Variants in MACROD2 observed in about 807,000 individuals in gnomAD.
MACROD2 encodes the protein mono-ADP ribosylhydrolase 2.
In MACROD2, 36 loss-of-function variants were observed where a neutral mutation model predicts 70.4. The ratio of observed to expected loss-of-function variants is 0.51; its 90% CI spans 0.39 to 0.68. The LOEUF is 0.68. Among genes scored for constraint, MACROD2 ranks in the 30% least tolerant of loss-of-function variants. MACROD2 has a pLI of 0.00. For missense variants in MACROD2, 496 were observed against 538.4 expected (o/e 0.92, Z 0.78); for synonymous variants, 172 against 178.8 (o/e 0.96, Z 0.30).
chr20:14,970,691 C>A (rs1437927427), intron 5 of MACROD2, among the ~76,000 whole-genome samples: 4 of 152,086 alleles, frequency 2.6e-5, no homozygotes, highest in Non-Finnish European at 2.9e-5. Flanking sequence ...CACTCTGTTA[C>A]CCAGGATGGA....
intron 2 of MACROD2, among the ~76,000 whole-genome samples, chr20:14,075,868 A>T (rs6074682): frequency 0.01 from 1,544 of 152,346 alleles, 12 homozygotes; most frequent in Non-Finnish European, 0.014. Flanking sequence ...TTATCCAGTC[A>T]GATGGGCTTT....
intron 5 of MACROD2, among the ~76,000 whole-genome samples, chr20:14,755,319 C>T (rs1465960887): frequency 6.6e-6 from 1 of 152,092 alleles, no homozygotes; most frequent in Non-Finnish European, 1.5e-5. Context: ...ATGTTCTCAT[C>T]ATTCCTCCTC....
intron 3 of MACROD2, among the ~76,000 whole-genome samples, chr20:14,397,085 T>A (rs1187317993): frequency 6.7e-6 from 1 of 149,416 alleles, no homozygotes. Context: ...AGCTCCGCCT[T>A]CTGGGTTCAC....
intron 5 of MACROD2, among the ~76,000 whole-genome samples, chr20:15,015,228 A>AT (rs1465541086): frequency 6.6e-6 from 1 of 151,990 alleles, no homozygotes; most frequent in Non-Finnish European, 1.5e-5. Context: ...TTTATTTAAC[A>AT]TTTGGCTTCT....
chr20:15,833,754 T>A (rs1388712647), intron 8 of MACROD2, among the ~76,000 whole-genome samples: 1 of 152,178 alleles, frequency 6.6e-6, no homozygotes, highest in East Asian at 1.9e-4. Context: ...AGATCCCCAA[T>A]ACCTAAGGTA....
intron 4 of MACROD2, among the ~76,000 whole-genome samples, chr20:14,528,668 T>TG (rs1198800309): frequency 6.6e-5 from 10 of 151,980 alleles, no homozygotes; most frequent in African/African-American, 1.2e-4. Context: ...TTGCGGGGGT[T>TG]GGGGGGGCCC....
intron 15 of MACROD2, among the ~76,000 whole-genome samples, chr20:16,008,214 C>T (rs755733150): frequency 6.6e-5 from 10 of 152,210 alleles, no homozygotes; most frequent in South Asian, 4.1e-4. Context: ...CTTCCTATAG[C>T]GCCCCCTATA....
chr20:15,435,153 T>C (rs1340921180), intron 7 of MACROD2, among the ~76,000 whole-genome samples: 2 of 152,122 alleles, frequency 1.3e-5, no homozygotes, highest in African/African-American at 4.8e-5. Context: ...AAACCACATG[T>C]ACCCCCAAAA....
At chr20:15,062,314 G>A (rs1178974513) in intron 5 of MACROD2, among the ~76,000 whole-genome samples, 1 of 152,104 alleles carries the variant, frequency 6.6e-6, no homozygotes, top group Non-Finnish European at 1.5e-5. Context: ...AATTTTAGTT[G>A]AGCAATGATT....
intron 12 of MACROD2, among the ~76,000 whole-genome samples, chr20:15,944,038 C>T (rs2065786817): frequency 6.6e-6 from 1 of 151,992 alleles, no homozygotes; most frequent in African/African-American, 2.4e-5. Flanking sequence ...ATTTTATCAT[C>T]TGGTTATCCC....
intron 3 of MACROD2, among the ~76,000 whole-genome samples, chr20:14,117,875 A>C (rs1313239945): frequency 6.6e-6 from 1 of 152,190 alleles, no homozygotes; most frequent in African/African-American, 2.4e-5. Context: ...TTCCCCCACC[A>C]GGATACAGGC....
In MACROD2 at chr20:15,516,040, C is replaced by T. The variant is rs987961772; in HGVS notation, c.645+16193C>T. Among the ~76,000 whole-genome samples, 27 of 152,192 alleles carry T rather than the reference C, an allele frequency of 1.8e-4. 1 individual carries two copies. The highest frequency in any genetic ancestry group is 5.1e-4 in the African/African-American group (21 of 41,446). ...TAGCTGATGGGCACACGGCTTACCC[C>T]GTTTGCCTGCTTTGCTTTCTCTTTT... On this transcript the variant is annotated intron_variant, in intron 8 of 17. Coordinates refer to ENST00000684519, the MANE Select transcript of MACROD2 (RefSeq NM_001351661.2).
chr20:14,981,452 A>ATGTGTG (rs5840645), intron 5 of MACROD2, among the ~76,000 whole-genome samples: 1 of 140,176 alleles, frequency 7.1e-6, no homozygotes, highest in African/African-American at 2.6e-5. Flanking sequence ...ATATATATAT[A>ATGTGTG]TGTGTGTGTG....
intron 3 of MACROD2, among the ~76,000 whole-genome samples, chr20:14,480,356 A>G (rs1253403799): frequency 6.6e-6 from 1 of 152,144 alleles, no homozygotes; most frequent in East Asian, 1.9e-4. Context: ...TATTGATGAA[A>G]CTAAGGATTA....
intron 8 of MACROD2, among the ~76,000 whole-genome samples, chr20:15,562,760 A>G (rs1267599875): frequency 6.6e-6 from 1 of 152,222 alleles, no homozygotes; most frequent in Non-Finnish European, 1.5e-5. Flanking sequence ...TGTGTTATCT[A>G]ATGGAAATGA....
chr20:14,642,769 C>A (rs949864877), intron 4 of MACROD2, among the ~76,000 whole-genome samples: 2 of 151,768 alleles, frequency 1.3e-5, no homozygotes, highest in African/African-American at 2.4e-5. Flanking sequence ...ATAGTAACAT[C>A]AAAGATCACT....
intron 8 of MACROD2, among the ~76,000 whole-genome samples, chr20:15,719,873 G>A (rs980866771): frequency 4.6e-5 from 7 of 151,974 alleles, no homozygotes; most frequent in African/African-American, 9.7e-5. Flanking sequence ...TCACTCTACT[G>A]TACAATGGGA....
chr20:15,483,242 T>G (rs1386937253), intron 7 of MACROD2, among the ~76,000 whole-genome samples: 1 of 152,192 alleles, frequency 6.6e-6, no homozygotes, highest in African/African-American at 2.4e-5. Flanking sequence ...TTGTGAAGTG[T>G]GTAAAATCTG....
At chr20:15,186,262 A>G (rs541786846) in intron 5 of MACROD2, among the ~76,000 whole-genome samples, 104 of 152,082 alleles carry the variant, frequency 6.8e-4, no homozygotes, top group South Asian at 8.3e-4. Context: ...TCTCTCCTTC[A>G]TCATACCTGG....
Sources: gnomAD v4.1 joint callset for allele counts (sites outside exome capture counted in the v4.1 genomes callset) on GRCh38, gnomAD v4.1.1 for gene constraint, MANE v1.5 for transcripts, NCBI Gene and HGNC (gene_info 2026-07-23, HGNC 2026-07-21) for gene names.